EYS: variants seen among roughly 807,000 people sequenced by gnomAD.
EYS encodes the protein EGF-like photoreceptor maintenance factor, also known as protein eyes shut homolog.
Under a neutral mutation model 282.1 loss-of-function variants are expected in EYS, and 250 were observed. The ratio of observed to expected loss-of-function variants is 0.89; its 90% confidence interval spans 0.80 to 0.98. EYS has a LOEUF of 0.98. Ranked by LOEUF, EYS falls within the 50% of genes least tolerant of loss-of-function variation. The probability of loss-of-function intolerance (pLI) is 0.00; values close to 1 mark genes in which losing one functional copy is unlikely to be tolerated. For missense variants in EYS, 4,016 were observed against 3,709.0 expected (o/e 1.08, Z -2.15); for synonymous variants, 1,355 against 1,282.9 (o/e 1.06, Z -1.20).
chr6:64,265,027 A>G (rs189004175), intron 30 of EYS, among the ~76,000 whole-genome samples: 3 of 152,264 alleles, frequency 2.0e-5, no homozygotes, highest in Admixed American at 2.0e-4. Flanking sequence ...GTTTTCTAAC[A>G]TTTTATTGGA....
At chr6:63,908,227 C>T (rs542052377) in intron 35 of EYS, among the ~76,000 whole-genome samples, 2 of 151,414 alleles carry the variant, frequency 1.3e-5, no homozygotes, top group South Asian at 4.2e-4. Context: ...CTCAACATTG[C>T]TAATCATCAA....
intron 41 of EYS, among the ~76,000 whole-genome samples, chr6:63,755,267 T>C (rs530789098): frequency 1.1e-4 from 16 of 152,162 alleles, no homozygotes; most frequent in Admixed American, 3.9e-4. Context: ...TCTTTGCCCA[T>C]GCCTATATCC....
chr6:65,249,586 A>C (rs113026726), intron 12 of EYS, among the ~76,000 whole-genome samples: 1 of 151,922 alleles, frequency 6.6e-6, no homozygotes, highest in African/African-American at 2.4e-5. Context: ...TTTAAACACT[A>C]TCAAGAAAAG....
intron 2 of EYS, among the ~76,000 whole-genome samples, chr6:65,601,358 C>T (rs980474184): frequency 4.0e-5 from 6 of 151,746 alleles, no homozygotes; most frequent in Admixed American, 3.9e-4. Flanking sequence ...AAATATGAAA[C>T]CTTGTATAAA....
At chr6:64,053,505 A>G (rs1770881818) in intron 33 of EYS, among the ~76,000 whole-genome samples, 1 of 152,130 alleles carries the variant, frequency 6.6e-6, no homozygotes, top group Non-Finnish European at 1.5e-5. Flanking sequence ...CTGGATTCAA[A>G]TTTCTTGACT....
At chr6:63,872,787 T>C (rs1434861211) in intron 35 of EYS, among the ~76,000 whole-genome samples, 1 of 152,072 alleles carries the variant, frequency 6.6e-6, no homozygotes, top group Non-Finnish European at 1.5e-5. Context: ...CCACCTAAAA[T>C]ATTTAATGTA....
intron 40 of EYS, among the ~76,000 whole-genome samples, chr6:63,772,605 T>C (rs913662742): frequency 1.3e-5 from 2 of 152,134 alleles, no homozygotes; most frequent in African/African-American, 4.8e-5. Context: ...ATAGTCAAAA[T>C]ATTGTGTTTT....
intron 31 of EYS, among the ~76,000 whole-genome samples, chr6:64,167,914 A>C (rs890631546): frequency 6.6e-6 from 1 of 152,010 alleles, no homozygotes; most frequent in Non-Finnish European, 1.5e-5. Context: ...CATTAGAAAA[A>C]AACACAAAAT....
At chr6:63,895,315 C>T (rs1773509515) in intron 35 of EYS, among the ~76,000 whole-genome samples, 1 of 151,752 alleles carries the variant, frequency 6.6e-6, no homozygotes, top group Admixed American at 6.6e-5. Flanking sequence ...AATTACTGTA[C>T]AATATAAGAG....
chr6:65,414,172 C>T (rs1767137302), intron 5 of EYS, among the ~76,000 whole-genome samples: 1 of 152,074 alleles, frequency 6.6e-6, no homozygotes, highest in South Asian at 2.1e-4. Context: ...TGAGAGCATG[C>T]TTAGGTATTC....
chr6:64,402,003 G>C (rs1773551765), intron 28 of EYS, among the ~76,000 whole-genome samples: 1 of 151,982 alleles, frequency 6.6e-6, no homozygotes, highest in Non-Finnish European at 1.5e-5. Context: ...ATTTTATGCT[G>C]TACTTGTCAG....
At chr6:65,010,547 T>C (rs959552148) in intron 13 of EYS, among the ~76,000 whole-genome samples, 4 of 152,226 alleles carry the variant, frequency 2.6e-5, no homozygotes, top group Admixed American at 1.3e-4. Context: ...AGAGGTTCCC[T>C]TGACTGATCC....
intron 12 of EYS, among the ~76,000 whole-genome samples, chr6:65,180,460 C>T (rs1008109566): frequency 2.6e-5 from 4 of 151,956 alleles, no homozygotes; most frequent in African/African-American, 9.7e-5. Context: ...TTCACAATTG[C>T]TTCAAAGAGA....
chr6:64,857,886 C>A (rs1364672907), intron 19 of EYS, among the ~76,000 whole-genome samples: 1 of 152,156 alleles, frequency 6.6e-6, no homozygotes, highest in Admixed American at 6.5e-5. Flanking sequence ...ATATACCTAT[C>A]GACCATTTGC....
intron 30 of EYS, among the ~76,000 whole-genome samples, chr6:64,302,422 A>T (rs1446286705): frequency 6.6e-6 from 1 of 152,196 alleles, no homozygotes; most frequent in Non-Finnish European, 1.5e-5. Flanking sequence ...ATGTACATGG[A>T]TCAATTGATA....
At chr6:65,641,389 C>A (rs1256089349) in intron 1 of EYS, among the ~76,000 whole-genome samples, 2 of 152,220 alleles carry the variant, frequency 1.3e-5, no homozygotes, top group Admixed American at 6.5e-5. Flanking sequence ...TCCACTAGTT[C>A]TCCTTAATGG....
intron 10 of EYS, among the ~76,000 whole-genome samples, chr6:65,343,573 T>C (rs1770279293): frequency 1.3e-5 from 2 of 151,262 alleles, no homozygotes; most frequent in East Asian, 3.9e-4. Context: ...CAATTTTTAG[T>C]GATGGAACTG....
At chr6:64,799,599 C>T (rs1443772904) in intron 22 of EYS, among the ~76,000 whole-genome samples, 4 of 150,840 alleles carry the variant, frequency 2.7e-5, no homozygotes, top group Admixed American at 6.6e-5. Context: ...TGTAGAGTGA[C>T]TAGGCCATAT....
At position 63,898,213 on chromosome 6, in the gene EYS, G is replaced by A. The variant is rs1056126439; in HGVS notation, c.7056-33855C>T. 3.9e-5 allele frequency among the ~76,000 whole-genome samples: 6 copies of A among 152,324 alleles called. 1 individual carries two copies. In the South Asian group the frequency reaches 1.2e-3, roughly 32 times the overall value. On this transcript the variant is annotated intron_variant, in intron 35 of 42. Transcript: ENST00000503581. Reference sequence around the variant, plus strand: ...TAAAAATATTTTGAGTATTGGCTGGGCGTGATGGCTCATGCCTGTAATCCC... The same window carrying A: ...TAAAAATATTTTGAGTATTGGCTGGACGTGATGGCTCATGCCTGTAATCCC...
Sources: gnomAD v4.1 joint callset for allele counts (sites outside exome capture counted in the v4.1 genomes callset) on GRCh38, gnomAD v4.1.1 for gene constraint, MANE v1.5 for transcripts, NCBI Gene and HGNC (gene_info 2026-07-23, HGNC 2026-07-21) for gene names.